The following FMO4 variants were observed in gnomAD, a reference collection of about 807,000 sequenced individuals.
FMO4 encodes dimethylaniline monooxygenase [N-oxide-forming] 4.
In FMO4, 38 loss-of-function variants were observed where a neutral mutation model predicts 43.3. The observed-to-expected ratio is 0.88, with a 90% confidence interval of 0.68 to 1.15. FMO4 has a LOEUF of 1.15. Ranked by LOEUF, FMO4 falls within the 50% of genes most tolerant of loss-of-function variation. The pLI is 0.00. For synonymous variants in FMO4, 224 were observed against 232.2 expected (o/e 0.96, Z 0.32); for missense variants, 631 against 663.3 (o/e 0.95, Z 0.54).
intron 8 of FMO4, among the ~76,000 whole-genome samples, chr1:171,336,605 A>T (rs931433624): frequency 7.2e-5 from 11 of 151,992 alleles, no homozygotes; most frequent in Non-Finnish European, 1.3e-4. Context: ...ACAGGGTTAT[A>T]AAGTGGGTTT....
chr1:171,336,986 C>CACAT (rs539130163), intron 8 of FMO4, among the ~76,000 whole-genome samples: 2,166 of 151,182 alleles, frequency 0.014, 31 homozygotes, highest in African/African-American at 0.029. Flanking sequence ...CACACACACA[C>CACAT]GTACAATGTG....
chr1:171,328,520 C>T (rs1003819811), intron 5 of FMO4, among the ~76,000 whole-genome samples: 4 of 151,920 alleles, frequency 2.6e-5, no homozygotes, highest in East Asian at 2.0e-4. Flanking sequence ...CATGGTGGCA[C>T]GCACCTGTAA....
rs371610210 is a variant in FMO4, at chr1:171,341,368, G to A, written c.1251-45G>A. 64 of 1,454,414 alleles carry A rather than the reference G, an allele frequency of 4.4e-5. No individual in the cohort carries two copies. In the African/African-American group the frequency reaches 8.5e-4, roughly 19 times the overall value. The allele number at this position is 1,454,414 out of a possible 1,614,324, so 90.1% of individuals were successfully genotyped here. A position where few individuals can be genotyped will look rare whatever the true frequency, so the allele number is the denominator to read the frequency against. On this transcript the variant is annotated intron_variant, in intron 9 of 9. Coordinates refer to ENST00000367749, the MANE Select transcript of FMO4 (RefSeq NM_002022.3). ...GGGTCTGATAACTTGAGAAATGCAG[G>A]GCAGGTGTGATTAATGAAAGGTCCT...
chr1:171,321,969 C>T (rs1338225504), intron 3 of FMO4, among the ~76,000 whole-genome samples: 1 of 152,168 alleles, frequency 6.6e-6, no homozygotes, highest in Non-Finnish European at 1.5e-5. Flanking sequence ...AAGGGAGAAA[C>T]AGAGATTAGC....
intron 5 of FMO4, among the ~76,000 whole-genome samples, chr1:171,331,404 T>A (rs1662893491): frequency 6.6e-6 from 1 of 152,234 alleles, no homozygotes; most frequent in Admixed American, 6.5e-5. Context: ...CACATTCATA[T>A]GGAATTCAAG....
chr1:171,329,860 C>T lies in FMO4; in HGVS notation c.485-1780C>T, dbSNP rs1000733598. Among the ~76,000 whole-genome samples the T allele has an allele frequency of 1.4e-4, 22 of 152,292 alleles. No individual in the cohort carries two copies. In the Middle Eastern group the frequency reaches 0.01, roughly 71 times the overall value. On this transcript the variant is annotated intron_variant, in intron 5 of 9. Coordinates refer to ENST00000367749, the MANE Select transcript of FMO4 (RefSeq NM_002022.3). The stretch of plus-strand genomic sequence containing the variant: ...TTGGTTTAGCACCTCACTTGGACTG[C>T]GGGAACTATTGTTTACTGTCCAGCT...
At chr1:171,325,990 G>C (rs1662647001) in intron 5 of FMO4, among the ~76,000 whole-genome samples, 1 of 151,204 alleles carries the variant, frequency 6.6e-6, no homozygotes, top group Non-Finnish European at 1.5e-5. Flanking sequence ...TGGGACTACA[G>C]GTGTGTGTCA....
intron 9 of FMO4, among the ~76,000 whole-genome samples, chr1:171,337,828 A>T (rs183170855): frequency 1.3e-5 from 2 of 152,182 alleles, no homozygotes; most frequent in East Asian, 3.9e-4. Context: ...ATTCCTATTT[A>T]CACCCACTCC....
intron 9 of FMO4, among the ~76,000 whole-genome samples, chr1:171,340,889 C>CA (rs1663345655): frequency 6.6e-6 from 1 of 151,326 alleles, no homozygotes; most frequent in East Asian, 1.9e-4. Flanking sequence ...GTATTTGGTC[C>CA]AAAAAAATTA....
At chr1:171,320,052 G>C in intron 3 of FMO4, 95 bp downstream of exon 3, 4 of 1,380,362 alleles carry the variant, frequency 2.9e-6, no homozygotes, top group South Asian at 1.3e-5. Context: ...TCAAGTAAGG[G>C]AGTGGCTTAC....
intron 5 of FMO4, among the ~76,000 whole-genome samples, chr1:171,327,587 T>C (rs1171317100): frequency 6.6e-6 from 1 of 152,154 alleles, no homozygotes; most frequent in East Asian, 1.9e-4. Flanking sequence ...AATAATACTA[T>C]GGTCCACTCT....
chr1:171,319,706 A>T (rs918066167), intron 2 of FMO4, 112 bp from the exon 3 acceptor site: 1 of 819,158 alleles, frequency 1.2e-6, no homozygotes, highest in Admixed American at 2.7e-5. Flanking sequence ...TTCTGCCCCC[A>T]CTCAAAGATG....
At chr1:171,330,304 A>G (rs56876248) in intron 5 of FMO4, among the ~76,000 whole-genome samples, 1,981 of 152,290 alleles carry the variant, frequency 0.013, 38 homozygotes, top group African/African-American at 0.043. Flanking sequence ...GCCTCATCAC[A>G]ATTGTTTCCT....
chr1:171,325,007 C>T (rs986384395), intron 5 of FMO4, among the ~76,000 whole-genome samples: 15 of 152,268 alleles, frequency 9.9e-5, no homozygotes, highest in African/African-American at 3.4e-4. Flanking sequence ...ACTCAGCAGG[C>T]TGAGGCACAA....
chr1:171,341,386 A>G (rs1663364015), intron 9 of FMO4, 27 bp from the exon 10 acceptor site: 3 of 1,577,744 alleles, frequency 1.9e-6, no homozygotes, highest in Non-Finnish European at 2.6e-6. Context: ...TGATTAATGA[A>G]AGGTCCTCCC....
At chr1:171,333,632 G>T (rs1662993282) in intron 7 of FMO4, among the ~76,000 whole-genome samples, 1 of 152,108 alleles carries the variant, frequency 6.6e-6, no homozygotes, top group Non-Finnish European at 1.5e-5. Context: ...TTATACACTT[G>T]ACCCAAATAT....
Position 171,331,698 on chromosome 1 carries a change from C to A in FMO4, c.543C>A (p.Gly181=), listed in dbSNP as rs762586667. 1 of 1,613,908 alleles carries A rather than the reference C, an allele frequency of 6.2e-7. No individual in the cohort carries two copies. Among genetic ancestry groups the A allele is most frequent in the Non-Finnish European group, 8.5e-7 (1 of 1,179,820 alleles). ...GTCAAGAGTACAAGATCCCAGAAGG[C>A]TTTCAGGGCAAACGCGTCTTGGTGA... is the stretch of plus-strand genomic sequence containing the variant. ...LHSQEYKIPE[G]FQGKRVLVIG... The change falls in exon 6 of 10, where the codon GGC becomes GGA. Residue 181 remains glycine (G), a synonymous_variant. Coordinates refer to ENST00000367749, the MANE Select transcript of FMO4 (RefSeq NM_002022.3).
chr1:171,332,971 C>A, intron 7 of FMO4, 63 bp downstream of exon 7: 2 of 819,334 alleles, frequency 2.4e-6, no homozygotes, highest in Non-Finnish European at 2.0e-6. Flanking sequence ...ACATTTTATT[C>A]AGAATTCAAA....
rs559561190 is a variant in FMO4 at position 171,332,882 on chromosome 1, G to A, written c.801G>A (p.Glu267=). The A allele has an allele frequency of 6.8e-7, 1 of 1,477,138 alleles. No individual in the cohort carries two copies. The highest frequency in any genetic ancestry group is 1.1e-5 in the South Asian group (1 of 88,198). The allele number at this position is 1,477,138 out of a possible 1,614,324, so 91.5% of individuals were successfully genotyped here. A position where few individuals can be genotyped will look rare whatever the true frequency, so the allele number is the denominator to read the frequency against. ...ERKLNKRFNH[E]DYGLSITKGK... ...AGTTGAATAAGAGATTTAATCATGA[G>A]GATTATGGATTAAGTATTACCAAAG... The change falls in exon 7 of 10, where the codon GAG becomes GAA. Residue 267 remains glutamate, a synonymous_variant. Transcript: ENST00000367749.
Sources: gnomAD v4.1 joint callset for allele counts (sites outside exome capture counted in the v4.1 genomes callset) on GRCh38, gnomAD v4.1.1 for gene constraint, MANE v1.5 for transcripts, NCBI Gene and HGNC (gene_info 2026-07-23, HGNC 2026-07-21) for gene names.